PRTG: variants seen among roughly 807,000 people sequenced by gnomAD.
PRTG encodes protogenin.
PRTG carries 67 observed loss-of-function variants against 122.5 expected under a neutral mutation model. That is an observed-to-expected ratio of 0.55 (90% CI 0.45 to 0.67). The LOEUF is 0.67. Ranked by LOEUF, PRTG falls within the 30% of genes least tolerant of loss-of-function variation. The pLI is 0.00. For synonymous variants in PRTG, 554 were observed against 501.1 expected (o/e 1.11, Z -1.41); for missense variants, 1,435 against 1,415.4 (o/e 1.01, Z -0.22).
chr15:55,626,248 A>G (rs1359174162), intron 17 of PRTG, among the ~76,000 whole-genome samples: 1 of 152,022 alleles, frequency 6.6e-6, no homozygotes, highest in African/African-American at 2.4e-5. Context: ...AAATCTACTA[A>G]GAATATAAAA....
At chr15:55,643,210 T>C (rs887276437) in intron 11 of PRTG, among the ~76,000 whole-genome samples, 1 of 152,236 alleles carries the variant, frequency 6.6e-6, no homozygotes, top group African/African-American at 2.4e-5. Context: ...AAGAATGTTC[T>C]AAATATTTTC....
Position 55,672,515 on chromosome 15 carries a change from T to G in PRTG, c.1971A>C (p.Glu657Asp), listed in dbSNP as rs1027978408. ...AIQGYKLYYK[E>D]EGQQENGPIF... ...TGGGCCCATTCTCCTGCTGCCCTTCTTCCTTGTAGTACAGCTTGTAGCCCT... is the reference window on the plus strand; with the variant it reads ...TGGGCCCATTCTCCTGCTGCCCTTCGTCCTTGTAGTACAGCTTGTAGCCCT... Residue 657 changes from glutamate to aspartate, a missense_variant, in exon 11 of 20, where the codon GAA becomes GAC. Physicochemically the swap from Glu to Asp is conservative, Grantham distance 45. Transcript: ENST00000389286. 6.2e-7 allele frequency: 1 copy of G among 1,614,110 alleles called. No homozygotes were observed. Among genetic ancestry groups the G allele is most frequent in the Non-Finnish European group, 8.5e-7 (1 of 1,179,998 alleles).
Position 55,743,037 on chromosome 15 carries a change from G to C in PRTG, c.-106C>G, listed in dbSNP as rs1249924138. 5 of 1,314,192 alleles carry C rather than the reference G, an allele frequency of 3.8e-6. No homozygotes were observed. The highest frequency in any genetic ancestry group is 4.8e-6 in the Non-Finnish European group (5 of 1,035,930). 81.4% of individuals were successfully genotyped at this position (1,314,192 alleles called of 1,614,324 possible). A position where few individuals can be genotyped will look rare whatever the true frequency, so the allele number is the denominator to read the frequency against. On this transcript the variant is annotated 5_prime_UTR_variant, in exon 1 of 20. Coordinates refer to ENST00000389286, the MANE Select transcript of PRTG (RefSeq NM_173814.6). ...TCTGCGGCTGGTCGCACGCAGCCTG[G>C]CTCCCCGCTCCGGCTCCGGCACCGG...
chr15:55,742,447 C>T (rs1225796541), intron 1 of PRTG: 2 of 198,286 alleles, frequency 1.0e-5, no homozygotes, highest in Admixed American at 6.1e-5. Flanking sequence ...CACGTGCAGC[C>T]GCGGCGGCCC....
chr15:55,624,973 A>C (rs1331922691), intron 17 of PRTG, among the ~76,000 whole-genome samples: 1 of 152,220 alleles, frequency 6.6e-6, no homozygotes, highest in African/African-American at 2.4e-5. Flanking sequence ...AACTAAGGCA[A>C]TTCAATACAC....
At chr15:55,684,026 T>C in intron 2 of PRTG, 95 bp from the exon 3 acceptor site, 1 of 1,078,778 alleles carries the variant, frequency 9.3e-7, no homozygotes, top group Admixed American at 2.5e-5. Flanking sequence ...ACTTGAACCC[T>C]TGCTTGGATA....
At chr15:55,629,099 TTC>T (rs1008115670) in intron 15 of PRTG, 95 bp from the exon 16 acceptor site, 4 of 767,906 alleles carry the variant, frequency 5.2e-6, no homozygotes, top group African/African-American at 3.5e-5. Flanking sequence ...AAAAATATTT[TTC>T]TGATTATAAA....
chr15:55,624,446 A>G lies in PRTG; in HGVS notation c.2989T>C (p.Ser997Pro). 6.8e-6 allele frequency: 11 copies of G among 1,613,924 alleles called. No homozygotes were observed. Among genetic ancestry groups the G allele is most frequent in the Non-Finnish European group, 9.3e-6 (11 of 1,179,848 alleles). Residue 997 changes from serine to proline, a missense_variant, in exon 18 of 20, where the codon TCC becomes CCC. Ser to Pro is a moderately conservative substitution (Grantham distance 74). Transcript: ENST00000389286. ...GTQQLPRTSA[S>P]LASGNEVGKN... ...CCTACCTCATTTCCACTAGCTAAGGAGGCACTGGTACGAGGTAACTGTTGA... is the reference window on the plus strand; with the variant it reads ...CCTACCTCATTTCCACTAGCTAAGGGGGCACTGGTACGAGGTAACTGTTGA...
chr15:55,642,841 T>A (rs2059300104), intron 11 of PRTG, among the ~76,000 whole-genome samples: 1 of 152,150 alleles, frequency 6.6e-6, no homozygotes. Flanking sequence ...GTAACCCCAC[T>A]ACTTTGGGAA....
chr15:55,704,396 A>G (rs2030004615), intron 2 of PRTG, among the ~76,000 whole-genome samples: 1 of 152,200 alleles, frequency 6.6e-6, no homozygotes, highest in African/African-American at 2.4e-5. Context: ...CAAATCCATC[A>G]AGATCACAGC....
At chr15:55,728,935 G>A (rs1279003317) in intron 2 of PRTG, among the ~76,000 whole-genome samples, 3 of 152,176 alleles carry the variant, frequency 2.0e-5, no homozygotes, top group African/African-American at 4.8e-5. Flanking sequence ...AAGCAGTTGT[G>A]TTTATGTACA....
chr15:55,743,082 G>C lies in PRTG; in HGVS notation c.-151C>G, dbSNP rs1438348589. 1 of 1,289,654 alleles carries C rather than the reference G, an allele frequency of 7.8e-7. No individual in the cohort carries two copies. The highest frequency in any genetic ancestry group is 3.3e-5 in the East Asian group (1 of 30,768). The allele number at this position is 1,289,654 out of a possible 1,614,324, so 79.9% of individuals were successfully genotyped here. On this transcript the variant is annotated 5_prime_UTR_variant, in exon 1 of 20. Transcript: ENST00000389286. ...CACCGGCGTGGCGAGCGTCTCTGCG[G>C]CGGCGAGGCTGGTGCTCGGACGGCC...
At chr15:55,691,318 A>C (rs1216643987) in intron 2 of PRTG, among the ~76,000 whole-genome samples, 1 of 149,232 alleles carries the variant, frequency 6.7e-6, no homozygotes, top group Non-Finnish European at 1.5e-5. Flanking sequence ...AAAAAAAAGT[A>C]CAGGTTCTAC....
intron 15 of PRTG, among the ~76,000 whole-genome samples, chr15:55,636,236 T>C (rs2059256963): frequency 6.6e-6 from 1 of 152,110 alleles, no homozygotes; most frequent in South Asian, 2.1e-4. Context: ...TTAAATTCCG[T>C]GTTCTTAAGC....
In PRTG at chr15:55,641,055, A is replaced by G. The variant is rs1482971582; in HGVS notation, c.2137+58T>C. On this transcript the variant is annotated intron_variant, in intron 12 of 19. Transcript: ENST00000389286. The stretch of plus-strand genomic sequence containing the variant: ...TAGTGAGACTGTAACTTAAAGGAGG[A>G]GGAGGAGAAAGAACGGTGTGAGCCA... 4 of 1,136,674 alleles carry G rather than the reference A, an allele frequency of 3.5e-6. No individual in the cohort carries two copies. The Admixed American group carries it at 5.3e-5, about 15-fold the overall frequency. The allele number at this position is 1,136,674 out of a possible 1,614,324, so 70.4% of individuals were successfully genotyped here. A position where few individuals can be genotyped will look rare whatever the true frequency, so the allele number is the denominator to read the frequency against.
At chr15:55,707,545 C>T (rs1364944810) in intron 2 of PRTG, among the ~76,000 whole-genome samples, 1 of 152,150 alleles carries the variant, frequency 6.6e-6, no homozygotes, top group Non-Finnish European at 1.5e-5. Context: ...TATATGCAAC[C>T]TTTCACTCAA....
At chr15:55,664,333 G>C (rs963528759) in intron 11 of PRTG, among the ~76,000 whole-genome samples, 8 of 152,098 alleles carry the variant, frequency 5.3e-5, no homozygotes, top group Admixed American at 1.3e-4. Flanking sequence ...AGTAGAGATG[G>C]GGTTTCACCA....
At chr15:55,681,387 T>C (rs567075174) in intron 4 of PRTG, 1 of 152,230 alleles carries the variant, frequency 6.6e-6, no homozygotes, top group African/African-American at 2.4e-5. Flanking sequence ...CAACAATGTC[T>C]TCAGTCCAGG....
At chr15:55,645,449 A>AAAAAAAAAAAAAG (rs2059316666) in intron 11 of PRTG, among the ~76,000 whole-genome samples, 1 of 136,866 alleles carries the variant, frequency 7.3e-6, no homozygotes, top group Non-Finnish European at 1.6e-5. Flanking sequence ...AAAAAAAAAA[A>AAAAAAAAAAAAAG]AGAGTGGAAG....
Sources: gnomAD v4.1 joint callset for allele counts (sites outside exome capture counted in the v4.1 genomes callset) on GRCh38, gnomAD v4.1.1 for gene constraint, MANE v1.5 for transcripts, NCBI Gene and HGNC (gene_info 2026-07-23, HGNC 2026-07-21) for gene names.